The following CDH2 variants were observed in gnomAD, a reference collection of about 807,000 sequenced individuals.
The protein encoded by CDH2 is cadherin-2.
A neutral mutation model predicts 92.0 loss-of-function variants in CDH2; 17 were observed. The observed-to-expected ratio is 0.18, with a 90% CI of 0.13 to 0.28. The LOEUF is 0.28. CDH2 is among the 10% of genes least tolerant of loss of function. CDH2 has a pLI of 1.00. For synonymous variants in CDH2, 419 were observed against 415.9 expected, an observed-to-expected ratio of 1.01 and a Z score of -0.09; for missense variants, 862 against 1,133.1, an observed-to-expected ratio of 0.76 and a Z score of 3.44.
chr18:28,138,038 G>A (rs1370248028), intron 2 of CDH2, among the ~76,000 whole-genome samples: 2 of 151,732 alleles, frequency 1.3e-5, no homozygotes, highest in African/African-American at 4.8e-5. Flanking sequence ...GTGTGTGTCT[G>A]GATGTGTGTG....
intron 2 of CDH2, among the ~76,000 whole-genome samples, chr18:28,029,756 C>T (rs1041877142): frequency 6.6e-6 from 1 of 152,086 alleles, no homozygotes; most frequent in Non-Finnish European, 1.5e-5. Flanking sequence ...ATCTTAGGTG[C>T]ACGGCTGCTC....
At chr18:28,169,188 G>A (rs1263869793) in intron 1 of CDH2, among the ~76,000 whole-genome samples, 1 of 152,040 alleles carries the variant, frequency 6.6e-6, no homozygotes, top group Non-Finnish European at 1.5e-5. Flanking sequence ...TAGTTTCAAG[G>A]GTTTTCTCTG....
chr18:28,131,698 G>GTGTGTA lies in CDH2; in HGVS notation c.172+15974_172+15975insTACACA, dbSNP rs1568010483. Reference sequence around the variant, plus strand: ...AAGCATTTGTGGTGTGTGTGTGTGTGTGTGTGTGTGGCCTGAAATAGTGTG... The same window carrying GTGTGTA: ...AAGCATTTGTGGTGTGTGTGTGTGTGTGTGTATGTGTGTGTGGCCTGAAATAGTGTG... On this transcript the variant is annotated intron_variant, in intron 2 of 15. Transcript: ENST00000269141. Among the ~76,000 whole-genome samples the GTGTGTA allele has an allele frequency of 8.6e-5, 13 of 151,896 alleles. No individual in the cohort carries two copies. The South Asian group carries it at 1.0e-3, about 12-fold the overall frequency.
chr18:28,007,757 G>C (rs899217513), intron 5 of CDH2, among the ~76,000 whole-genome samples: 1 of 151,888 alleles, frequency 6.6e-6, no homozygotes, highest in African/African-American at 2.4e-5. Flanking sequence ...GTCTTGCTCT[G>C]TCACCCAGGC....
intron 6 of CDH2, among the ~76,000 whole-genome samples, chr18:28,003,915 G>C (rs1273603200): frequency 1.3e-5 from 2 of 152,114 alleles, no homozygotes; most frequent in Non-Finnish European, 2.9e-5. Context: ...TTGTTCTGTG[G>C]GATCCATTTA....
chr18:28,087,247 C>CTG (rs2014949846), intron 2 of CDH2, among the ~76,000 whole-genome samples: 1 of 152,260 alleles, frequency 6.6e-6, no homozygotes, highest in South Asian at 2.1e-4. Flanking sequence ...ACACAAAGGG[C>CTG]TGTGCATCTG....
chr18:28,145,432 T>A (rs993671246), intron 2 of CDH2, among the ~76,000 whole-genome samples: 2 of 152,068 alleles, frequency 1.3e-5, no homozygotes, highest in Admixed American at 1.3e-4. Flanking sequence ...TCGTAATATA[T>A]CCCTTTCAGC....
chr18:27,961,353 TACTG>T (rs1377586730), intron 15 of CDH2, among the ~76,000 whole-genome samples: 4 of 151,552 alleles, frequency 2.6e-5, no homozygotes, highest in Non-Finnish European at 4.4e-5. Context: ...GAGAAAGAAA[TACTG>T]ACAGTTACAC....
intron 1 of CDH2, among the ~76,000 whole-genome samples, chr18:28,167,107 C>A (rs967573951): frequency 6.6e-6 from 1 of 151,986 alleles, no homozygotes; most frequent in African/African-American, 2.4e-5. Context: ...TAAGAAGCAT[C>A]GCTGAAAAGA....
intron 1 of CDH2, among the ~76,000 whole-genome samples, chr18:28,161,301 C>T (rs1416144814): frequency 6.6e-6 from 1 of 151,996 alleles, no homozygotes; most frequent in Admixed American, 6.6e-5. Context: ...TAAAGCTGGC[C>T]GGGCACAGTG....
intron 2 of CDH2, among the ~76,000 whole-genome samples, chr18:28,045,066 C>T (rs17446036): frequency 0.024 from 3,673 of 152,208 alleles, 63 homozygotes; most frequent in East Asian, 0.053. Context: ...TTAACACCCA[C>T]ATTCCTCTGA....
At chr18:28,031,746 T>A (rs934646038) in intron 2 of CDH2, among the ~76,000 whole-genome samples, 1 of 152,146 alleles carries the variant, frequency 6.6e-6, no homozygotes, top group Non-Finnish European at 1.5e-5. Context: ...GAAATCCATG[T>A]TAAAAATAAG....
Position 27,952,239 on chromosome 18 carries a change from CACT to C in CDH2, c.2632_2634del (p.Ser878del). The C allele has an allele frequency of 6.2e-7, 1 of 1,613,694 alleles. No individual in the cohort carries two copies. The highest frequency in any genetic ancestry group is 2.2e-5 in the East Asian group (1 of 44,870). On this transcript the variant is annotated inframe_deletion, in exon 16 of 16. Transcript: ENST00000269141. ...AGGTAATCATAGTCCTGCTCACCACCACTACTTGAGGAATTAAGGGAGCTCAAG... is the reference window on the plus strand; with the variant it reads ...AGGTAATCATAGTCCTGCTCACCACCACTTGAGGAATTAAGGGAGCTCAAG...
At chr18:27,942,517 C>T (rs528805256) in intron 6 of CDH2, among the ~76,000 whole-genome samples, 1 of 152,288 alleles carries the variant, frequency 6.6e-6, no homozygotes, top group South Asian at 2.1e-4. Flanking sequence ...TCATACCAGT[C>T]TGTACCTCTG....
At chr18:27,942,772 A>T (rs761535842) in intron 6 of CDH2, among the ~76,000 whole-genome samples, 30 of 152,166 alleles carry the variant, frequency 2.0e-4, no homozygotes, top group Admixed American at 1.4e-3. Flanking sequence ...GGAAAATGAA[A>T]CATGTCGGCC....
chr18:27,993,683 A>G lies in CDH2; in HGVS notation c.1021-46T>C, dbSNP rs749875433. ...GAACTTAAATGAAACTAATTCCTCA[A>G]GAAGACATAACAGTTGTTCTGTAAA... On this transcript the variant is annotated intron_variant, in intron 7 of 15. Coordinates refer to ENST00000269141, the MANE Select transcript of CDH2 (RefSeq NM_001792.5). 2.9e-5 allele frequency: 42 copies of G among 1,426,890 alleles called. No individual in the cohort carries two copies. In the African/African-American group the frequency reaches 5.3e-4, roughly 18 times the overall value. The allele number at this position is 1,426,890 out of a possible 1,614,324, so 88.4% of individuals were successfully genotyped here.
intron 5 of CDH2, among the ~76,000 whole-genome samples, chr18:28,008,882 G>A (rs983464926): frequency 2.6e-5 from 4 of 152,184 alleles, no homozygotes; most frequent in Non-Finnish European, 5.9e-5. Flanking sequence ...GTGATTAAGT[G>A]TAGATGATGG....
intron 1 of CDH2, among the ~76,000 whole-genome samples, chr18:28,164,744 A>T (rs2016354706): frequency 6.6e-6 from 1 of 152,186 alleles, no homozygotes; most frequent in African/African-American, 2.4e-5. Flanking sequence ...TTACAGAAGC[A>T]AGAGACAGAT....
chr18:28,166,022 T>G (rs2016373096), intron 1 of CDH2, among the ~76,000 whole-genome samples: 1 of 151,186 alleles, frequency 6.6e-6, no homozygotes, highest in Middle Eastern at 3.2e-3. Context: ...AATATGTATA[T>G]GTGAAAACAC....
Sources: allele counts gnomAD v4.1 joint callset (sites outside exome capture counted in the v4.1 genomes callset), GRCh38; gene constraint gnomAD v4.1.1; transcripts MANE v1.5; gene names NCBI Gene and HGNC (gene_info 2026-07-23, HGNC 2026-07-21).